GPR55: variants seen among roughly 807,000 people sequenced by gnomAD.
The protein encoded by GPR55 is G protein-coupled receptor 55.
GPR55 carries 6 observed loss-of-function variants against 7.9 expected under a neutral mutation model. The ratio of observed to expected loss-of-function variants is 0.76; its 90% CI spans 0.41 to 1.49. The LOEUF is 1.49. GPR55 is among the 40% of genes most tolerant of loss of function. GPR55 has a pLI of 0.01. For synonymous variants in GPR55, 183 were observed against 166.8 expected (o/e 1.10, Z -0.75); for missense variants, 376 against 406.0 (o/e 0.93, Z 0.63).
chr2:230,945,852 T>C (rs1283865312), intron 1 of GPR55, among the ~76,000 whole-genome samples: 1 of 152,238 alleles, frequency 6.6e-6, no homozygotes, highest in Non-Finnish European at 1.5e-5. Context: ...ATTACAGGGC[T>C]GAGCCACCAC....
intron 1 of GPR55, among the ~76,000 whole-genome samples, chr2:230,942,164 A>G (rs949908539): frequency 1.3e-5 from 2 of 152,234 alleles, no homozygotes; most frequent in African/African-American, 4.8e-5. Context: ...CCAACAGAAC[A>G]GCAAGAATAC....
chr2:230,918,143 A>C (rs1690757199), intron 1 of GPR55, among the ~76,000 whole-genome samples: 1 of 152,242 alleles, frequency 6.6e-6, no homozygotes, highest in Non-Finnish European at 1.5e-5. Context: ...TATCAGAATC[A>C]ACACATTTAA....
intron 1 of GPR55, among the ~76,000 whole-genome samples, chr2:230,951,071 T>C (rs1462132391): frequency 6.6e-6 from 1 of 152,096 alleles, no homozygotes; most frequent in Non-Finnish European, 1.5e-5. Flanking sequence ...TTTCCCTGAG[T>C]TCTGTGAGTC....
upstream of GPR55, chr2:230,928,567 A>T (rs1362742505): frequency 6.6e-6 from 1 of 152,144 alleles, no homozygotes; most frequent in Non-Finnish European, 1.5e-5. Flanking sequence ...TTGTTTTAGG[A>T]GTCGGCATGG....
intron 1 of GPR55, among the ~76,000 whole-genome samples, chr2:230,949,050 C>A (rs1229440565): frequency 6.6e-6 from 1 of 152,214 alleles, no homozygotes; most frequent in Non-Finnish European, 1.5e-5. Flanking sequence ...GCCTTGGCAA[C>A]AGACTGAGAC....
At chr2:230,926,487 T>C (rs993877757), upstream of GPR55, among the ~76,000 whole-genome samples, 7 of 151,900 alleles carry the variant, frequency 4.6e-5, no homozygotes, top group African/African-American at 1.7e-4. Flanking sequence ...GCACCCTGGG[T>C]GCGGGAGGAG....
chr2:230,937,786 T>G (rs936725524), intron 1 of GPR55, among the ~76,000 whole-genome samples: 4 of 152,168 alleles, frequency 2.6e-5, no homozygotes, highest in Non-Finnish European at 5.9e-5. Flanking sequence ...TGCTAATTTC[T>G]GCAAACTACA....
chr2:230,943,198 G>A (rs886959284), intron 1 of GPR55, among the ~76,000 whole-genome samples: 8 of 152,082 alleles, frequency 5.3e-5, no homozygotes, highest in South Asian at 4.1e-4. Flanking sequence ...AGGCCATCCC[G>A]GGCAGTGCTT....
At chr2:230,960,511 T>C (rs1469489440) in intron 1 of GPR55, among the ~76,000 whole-genome samples, 2 of 151,868 alleles carry the variant, frequency 1.3e-5, no homozygotes, top group East Asian at 3.9e-4. Flanking sequence ...AAAAATACCT[T>C]GGGAAGGAGA....
chr2:230,943,340 C>T (rs966884072), intron 1 of GPR55, among the ~76,000 whole-genome samples: 2 of 152,202 alleles, frequency 1.3e-5, no homozygotes, highest in Non-Finnish European at 2.9e-5. Context: ...GCAGCCCCTC[C>T]TTCCTGTGCA....
At chr2:230,935,639 A>T (rs1203386872) in intron 1 of GPR55, among the ~76,000 whole-genome samples, 1 of 152,148 alleles carries the variant, frequency 6.6e-6, no homozygotes, top group Non-Finnish European at 1.5e-5. Flanking sequence ...TTCTAAAGGA[A>T]ATGCAGCCCT....
At chr2:230,937,966 G>A (rs530029108) in intron 1 of GPR55, among the ~76,000 whole-genome samples, 1 of 151,914 alleles carries the variant, frequency 6.6e-6, no homozygotes, top group South Asian at 2.1e-4. Context: ...ACCAGCCTAG[G>A]TAATATATTG....
chr2:230,948,175 C>T (rs1041250098), intron 1 of GPR55, among the ~76,000 whole-genome samples: 1 of 151,960 alleles, frequency 6.6e-6, no homozygotes, highest in African/African-American at 2.4e-5. Flanking sequence ...GTCTGTGTCT[C>T]CCGCAGGCCT....
At chr2:230,925,592 A>T (rs1448146957), upstream of GPR55, among the ~76,000 whole-genome samples, 1 of 152,192 alleles carries the variant, frequency 6.6e-6, no homozygotes, top group African/African-American at 2.4e-5. Context: ...TAACAGGGGC[A>T]CCACACAGGG....
intron 1 of GPR55, among the ~76,000 whole-genome samples, chr2:230,947,965 G>A (rs887385836): frequency 2.8e-4 from 42 of 152,254 alleles, no homozygotes; most frequent in Non-Finnish European, 7.4e-5. Flanking sequence ...ACCAGGCCAC[G>A]GTGGCTTTGG....
At chr2:230,943,106 AAGAG>A (rs1213037596) in intron 1 of GPR55, among the ~76,000 whole-genome samples, 2 of 142,860 alleles carry the variant, frequency 1.4e-5, no homozygotes, top group Non-Finnish European at 3.1e-5. Flanking sequence ...AGAGGAGAGA[AAGAG>A]AGAGAGAGGA....
intron 1 of GPR55, 86 bp from the exon 2 acceptor site, chr2:230,911,182 G>T (rs146480493): frequency 9.1e-6 from 5 of 548,112 alleles, no homozygotes; most frequent in Non-Finnish European, 1.7e-5. Flanking sequence ...TTCCAGACTC[G>T]CTTTCTCACT....
At chr2:230,928,979 G>A (rs138375796), upstream of GPR55, among the ~76,000 whole-genome samples, 8 of 152,112 alleles carry the variant, frequency 5.3e-5, no homozygotes, top group East Asian at 1.9e-4. Flanking sequence ...CCATTCTGCC[G>A]GGAACACTTC....
At chr2:230,914,536 C>T (rs1056014154) in intron 1 of GPR55, among the ~76,000 whole-genome samples, 82 of 143,112 alleles carry the variant, frequency 5.7e-4, no homozygotes, top group Non-Finnish European at 3.0e-5. Context: ...AAATCAGAAG[C>T]CTCACTGTAG....
Sources: gnomAD v4.1 joint callset for allele counts (sites outside exome capture counted in the v4.1 genomes callset) on GRCh38, gnomAD v4.1.1 for gene constraint, MANE v1.5 for transcripts, NCBI Gene and HGNC (gene_info 2026-07-23, HGNC 2026-07-21) for gene names.